ATAD1: variants seen among roughly 807,000 people sequenced by gnomAD.
ATAD1 encodes the protein ATPase family AAA domain containing 1.
In ATAD1, 18 loss-of-function variants were observed where a neutral mutation model predicts 42.7. The observed-to-expected ratio is 0.42, with a 90% CI of 0.29 to 0.63. The LOEUF (loss-of-function observed/expected upper bound fraction) is 0.63. Among genes scored for constraint, ATAD1 ranks in the 20% least tolerant of loss-of-function variants. The probability of loss-of-function intolerance (pLI) is 0.19; values close to 1 mark genes in which losing one functional copy is unlikely to be tolerated. For synonymous variants in ATAD1, 132 were observed against 143.1 expected (o/e 0.92, Z 0.55); for missense variants, 294 against 440.4 (o/e 0.67, Z 2.98).
intron 2 of ATAD1, among the ~76,000 whole-genome samples, chr10:87,796,900 CT>C (rs1307223740): frequency 6.6e-6 from 1 of 152,128 alleles, no homozygotes; most frequent in Non-Finnish European, 1.5e-5. Context: ...ATACAACTCC[CT>C]TTTTTTGGAG....
At chr10:87,787,618 A>G (rs1254837219) in intron 4 of ATAD1, among the ~76,000 whole-genome samples, 2 of 152,298 alleles carry the variant, frequency 1.3e-5, no homozygotes, top group African/African-American at 2.4e-5. Context: ...AAAAAAAAGG[A>G]TAAGAACAAA....
At chr10:87,806,422 C>G (rs575959007) in intron 2 of ATAD1, among the ~76,000 whole-genome samples, 1 of 152,194 alleles carries the variant, frequency 6.6e-6, no homozygotes, top group South Asian at 2.1e-4. Context: ...TATTATCTTT[C>G]AAGTCCTTCG....
chr10:87,799,706 G>A (rs911898244), intron 2 of ATAD1, among the ~76,000 whole-genome samples: 24 of 151,704 alleles, frequency 1.6e-4, no homozygotes, highest in African/African-American at 5.3e-4. Context: ...GATAATTGTA[G>A]ACAAACTCAT....
At chr10:87,795,665 T>C (rs1055378145) in intron 2 of ATAD1, among the ~76,000 whole-genome samples, 23 of 152,136 alleles carry the variant, frequency 1.5e-4, no homozygotes, top group Admixed American at 7.9e-4. Context: ...TTCACTTTTT[T>C]CTCCATGCAA....
upstream of ATAD1, among the ~76,000 whole-genome samples, chr10:87,821,787 T>C (rs989734101): frequency 1.3e-5 from 2 of 152,192 alleles, no homozygotes; most frequent in African/African-American, 4.8e-5. Context: ...TTTCCCACCC[T>C]CCAGAACTGG....
intron 2 of ATAD1, among the ~76,000 whole-genome samples, chr10:87,794,541 C>T (rs1467025781): frequency 5.9e-5 from 9 of 152,202 alleles, no homozygotes; most frequent in Admixed American, 5.9e-4. Flanking sequence ...TCTGGAAATA[C>T]TTCTGGTTGT....
chr10:87,754,900 TA>T (rs200960945), intron 9 of ATAD1, 93 bp from the exon 10 acceptor site: 2,702 of 1,383,264 alleles, frequency 2.0e-3, no homozygotes, highest in South Asian at 3.0e-3. Context: ...ATGCATGTGG[TA>T]AAAAAAAAAT....
chr10:87,833,362 G>GT (rs1018294038), intron 1 of ATAD1, among the ~76,000 whole-genome samples: 15 of 151,894 alleles, frequency 9.9e-5, no homozygotes, highest in African/African-American at 3.1e-4. Flanking sequence ...GTTCTAGGAG[G>GT]TTTTTTTTAA....
chr10:87,798,625 G>GGTGTGTGTGTGTGTGTGTGTGTGTGT (rs71022506), intron 2 of ATAD1, among the ~76,000 whole-genome samples: 1,441 of 124,776 alleles, frequency 0.012, 44 homozygotes, highest in Non-Finnish European at 0.017. Context: ...AGCTATAGGG[G>GGTGTGTGTGTGTGTGTGTGTGTGTGT]GTGTGTGTGT....
At chr10:87,818,123 T>C (rs1554885841) in intron 1 of ATAD1, 44 bp downstream of exon 1, 4 of 985,404 alleles carry the variant, frequency 4.1e-6, no homozygotes, top group Non-Finnish European at 3.6e-6. Flanking sequence ...CTCAGAAGGA[T>C]ACGACAACCA....
At chr10:87,802,659 C>T (rs910442731) in intron 2 of ATAD1, among the ~76,000 whole-genome samples, 9 of 150,692 alleles carry the variant, frequency 6.0e-5, no homozygotes, top group Non-Finnish European at 1.0e-4. Context: ...AAAAAAAAGC[C>T]TATGTAACAA....
At chr10:87,818,023 C>T in intron 1 of ATAD1, 144 bp downstream of exon 1, 1 of 985,818 alleles carries the variant, frequency 1.0e-6, no homozygotes. Flanking sequence ...CTGCGGGGCG[C>T]TTGGGGGCGG....
At chr10:87,816,432 G>T (rs1224572419) in intron 1 of ATAD1, among the ~76,000 whole-genome samples, 2 of 152,166 alleles carry the variant, frequency 1.3e-5, no homozygotes, top group African/African-American at 4.8e-5. Context: ...TTGGCCTAGG[G>T]ATGGTAAATG....
intron 1 of ATAD1, among the ~76,000 whole-genome samples, chr10:87,825,769 A>G (rs1325552708): frequency 1.3e-5 from 2 of 151,468 alleles, no homozygotes; most frequent in African/African-American, 4.9e-5. Context: ...TGTCTGGATC[A>G]TAGCTCACTG....
In ATAD1 at chr10:87,831,337, T is replaced by G. The variant is rs371460898; in HGVS notation, c.-14+9850A>C. The stretch of plus-strand genomic sequence containing the variant: ...CTTCAGTGTTACGTCTTCCCTTTAC[T>G]GAGCCTAAATATTTTCCCCTAGAAC... On this transcript the variant is annotated intron_variant, in intron 1 of 4. Transcript: ENST00000495903. 1.7e-3 allele frequency among the ~76,000 whole-genome samples: 263 copies of G among 152,366 alleles called. 1 individual carries two copies. The highest frequency in any genetic ancestry group is 6.8e-3 in the Middle Eastern group (2 of 294).
At chr10:87,761,698 G>GA (rs1480202590) in intron 8 of ATAD1, among the ~76,000 whole-genome samples, 1 of 151,808 alleles carries the variant, frequency 6.6e-6, no homozygotes, top group African/African-American at 2.4e-5. Flanking sequence ...AATCCTAAAA[G>GA]AATTTCCAAA....
At chr10:87,773,602 G>A (rs903451885) in intron 6 of ATAD1, among the ~76,000 whole-genome samples, 1 of 152,158 alleles carries the variant, frequency 6.6e-6, no homozygotes, top group African/African-American at 2.4e-5. Context: ...AGCAGCATTT[G>A]CTCTCTCAAA....
chr10:87,797,970 T>C (rs1161510059), intron 2 of ATAD1, among the ~76,000 whole-genome samples: 1 of 152,106 alleles, frequency 6.6e-6, no homozygotes, highest in East Asian at 1.9e-4. Flanking sequence ...AGCCAAAAGG[T>C]GCCCCTGGGT....
intron 2 of ATAD1, among the ~76,000 whole-genome samples, chr10:87,794,367 A>G (rs1040339038): frequency 6.6e-6 from 1 of 152,182 alleles, no homozygotes; most frequent in Non-Finnish European, 1.5e-5. Context: ...TTTTACTGCC[A>G]TAAGTCGTTT....
Sources: allele counts gnomAD v4.1 joint callset (sites outside exome capture counted in the v4.1 genomes callset), GRCh38; gene constraint gnomAD v4.1.1; transcripts MANE v1.5; gene names NCBI Gene and HGNC (gene_info 2026-07-23, HGNC 2026-07-21).